SPPL2A: variants seen among roughly 807,000 people sequenced by gnomAD.
SPPL2A encodes signal peptide peptidase-like 2A.
In SPPL2A, 51 loss-of-function variants were observed where a neutral mutation model predicts 63.8. The ratio of observed to expected loss-of-function variants is 0.80; its 90% CI spans 0.64 to 1.01. The LOEUF is 1.01. SPPL2A is among the 50% of genes least tolerant of loss of function. SPPL2A has a pLI of 0.00. For synonymous variants in SPPL2A, 188 were observed against 205.8 expected (o/e 0.91, Z 0.74); for missense variants, 553 against 622.7 (o/e 0.89, Z 1.19).
chr15:50,754,507 G>T (rs765534858), intron 1 of SPPL2A, among the ~76,000 whole-genome samples: 3 of 152,048 alleles, frequency 2.0e-5, no homozygotes, highest in Non-Finnish European at 2.9e-5. Context: ...AATACTATCG[G>T]CTTATACATT....
rs1238068337 is a variant in SPPL2A at position 50,704,897 on chromosome 15, A to T, written c.*2903T>A. On this transcript the variant is annotated 3_prime_UTR_variant, in exon 15 of 15. Coordinates refer to ENST00000261854, the MANE Select transcript of SPPL2A (RefSeq NM_032802.4). ...ACAAGATTTTACCTCCTTAATAACT[A>T]ATGGTTAGATAAAGTAGAATTTGTA... 2 of 152,194 alleles carry T rather than the reference A, an allele frequency of 1.3e-5. No homozygotes were observed. The allele number at this position is 152,194 out of a possible 1,614,324, so 9.4% of individuals were successfully genotyped here. A position where few individuals can be genotyped will look rare whatever the true frequency, so the allele number is the denominator to read the frequency against.
intron 8 of SPPL2A, among the ~76,000 whole-genome samples, chr15:50,734,135 G>GT (rs2062751575): frequency 6.6e-6 from 1 of 152,014 alleles, no homozygotes; most frequent in Non-Finnish European, 1.5e-5. Context: ...CAGCAATCCC[G>GT]CCATTGGATA....
Position 50,765,356 on chromosome 15 carries a change from C to T in SPPL2A, c.66+112G>A, listed in dbSNP as rs1596404381. 3 of 706,588 alleles carry T rather than the reference C, an allele frequency of 4.2e-6. No homozygotes were observed. The East Asian group carries it at 1.0e-4, about 24-fold the overall frequency. The allele number at this position is 706,588 out of a possible 1,614,324, so 43.8% of individuals were successfully genotyped here. ...GAAAGAGGAGTGCGAGAGCAGGCCGCGGAGGTGCGGGCAGAGGGGAGGCCG... is the reference window on the plus strand; with the variant it reads ...GAAAGAGGAGTGCGAGAGCAGGCCGTGGAGGTGCGGGCAGAGGGGAGGCCG... On this transcript the variant is annotated intron_variant, in intron 1 of 14. Coordinates refer to ENST00000261854, the MANE Select transcript of SPPL2A (RefSeq NM_032802.4).
intron 2 of SPPL2A, 31 bp from the exon 3 acceptor site, chr15:50,748,901 T>TA: frequency 6.9e-7 from 1 of 1,450,318 alleles, no homozygotes; most frequent in Non-Finnish European, 9.4e-7. Flanking sequence ...TTTAACATGT[T>TA]AAAAATCTAT....
chr15:50,734,147 A>G (rs1293808776), intron 8 of SPPL2A, among the ~76,000 whole-genome samples: 5 of 152,220 alleles, frequency 3.3e-5, no homozygotes, highest in African/African-American at 1.2e-4. Flanking sequence ...CATTGGATAT[A>G]CATGCAAAAG....
chr15:50,703,283 G>A lies in SPPL2A; in HGVS notation c.*4517C>T, dbSNP rs1204979433. ...AAATTTCATTGGTTAAGATCAGGCTGAAATTTTAGAGATTAAGCCTAAATA... is the reference window on the plus strand; with the variant it reads ...AAATTTCATTGGTTAAGATCAGGCTAAAATTTTAGAGATTAAGCCTAAATA... On this transcript the variant is annotated 3_prime_UTR_variant, in exon 15 of 15. Transcript: ENST00000261854. The A allele has an allele frequency of 1.5e-5, 2 of 136,994 alleles. No individual in the cohort carries two copies. The highest frequency in any genetic ancestry group is 3.1e-5 in the Non-Finnish European group (2 of 65,370). 8.5% of individuals were successfully genotyped at this position (136,994 alleles called of 1,614,324 possible).
At position 50,722,276 on chromosome 15, in the gene SPPL2A, T is replaced by C; in HGVS notation, c.1250-75A>G. On this transcript the variant is annotated intron_variant, in intron 12 of 14. Transcript: ENST00000261854. ...AAATTCAATTGTTAACAATAGTAAG[T>C]ATATGTTATATTGAATCTTCATTGT... The C allele has an allele frequency of 3.7e-6, 3 of 811,164 alleles. No individual in the cohort carries two copies. The Admixed American group carries it at 5.9e-5, about 16-fold the overall frequency. 50.2% of individuals were successfully genotyped at this position (811,164 alleles called of 1,614,324 possible).
At chr15:50,728,382 T>C (rs1279243602) in intron 10 of SPPL2A, among the ~76,000 whole-genome samples, 6 of 152,192 alleles carry the variant, frequency 3.9e-5, no homozygotes. Context: ...CTCACTCTGT[T>C]GCCCAGGCTG....
chr15:50,762,997 C>A (rs1226296990), intron 1 of SPPL2A, among the ~76,000 whole-genome samples: 34 of 151,718 alleles, frequency 2.2e-4, no homozygotes, highest in Admixed American at 2.2e-3. Flanking sequence ...CCCACCTGGA[C>A]CTCTCAAAGT....
chr15:50,741,855 A>G (rs2062823888), intron 5 of SPPL2A, among the ~76,000 whole-genome samples: 1 of 152,016 alleles, frequency 6.6e-6, no homozygotes, highest in Non-Finnish European at 1.5e-5. Context: ...AATCCCAGCT[A>G]CTTGAGAGGC....
At chr15:50,717,847 C>A (rs2062609137) in intron 14 of SPPL2A, among the ~76,000 whole-genome samples, 1 of 152,142 alleles carries the variant, frequency 6.6e-6, no homozygotes, top group African/African-American at 2.4e-5. Context: ...GGACTCTTTC[C>A]TGAAACCACA....
intron 5 of SPPL2A, among the ~76,000 whole-genome samples, chr15:50,740,098 T>A (rs1275434439): frequency 6.6e-6 from 1 of 152,168 alleles, no homozygotes; most frequent in Non-Finnish European, 1.5e-5. Flanking sequence ...AACCACTAAC[T>A]TTTGAAACAT....
At chr15:50,752,059 G>A (rs2062911844) in intron 1 of SPPL2A, among the ~76,000 whole-genome samples, 1 of 152,136 alleles carries the variant, frequency 6.6e-6, no homozygotes, top group South Asian at 2.1e-4. Flanking sequence ...TGGAACTCCT[G>A]ACCTCAGGTG....
At chr15:50,739,173 T>C (rs916923280) in intron 6 of SPPL2A, among the ~76,000 whole-genome samples, 5 of 147,610 alleles carry the variant, frequency 3.4e-5, no homozygotes, top group Admixed American at 1.3e-4. Flanking sequence ...TAACGTACTT[T>C]TTTTTTTTTT....
chr15:50,704,014 T>G lies in SPPL2A; in HGVS notation c.*3786A>C, dbSNP rs887975697. Reference sequence around the variant, plus strand: ...AAATTCTCTTTAAAAGAGAAATAAATTGCAGATTCTACTAAGGAATTGCTA... The same window carrying G: ...AAATTCTCTTTAAAAGAGAAATAAAGTGCAGATTCTACTAAGGAATTGCTA... On this transcript the variant is annotated 3_prime_UTR_variant, in exon 15 of 15. Coordinates refer to ENST00000261854, the MANE Select transcript of SPPL2A (RefSeq NM_032802.4). 4 of 152,032 alleles carry G rather than the reference T, an allele frequency of 2.6e-5. No individual in the cohort carries two copies. The highest frequency in any genetic ancestry group is 4.8e-5 in the African/African-American group (2 of 41,386). 9.4% of individuals were successfully genotyped at this position (152,032 alleles called of 1,614,324 possible). A position where few individuals can be genotyped will look rare whatever the true frequency, so the allele number is the denominator to read the frequency against.
chr15:50,706,966 A>G lies in SPPL2A; in HGVS notation c.*834T>C, dbSNP rs2062514160. On this transcript the variant is annotated 3_prime_UTR_variant, in exon 15 of 15. Coordinates refer to ENST00000261854, the MANE Select transcript of SPPL2A (RefSeq NM_032802.4). ...TTTCAGTTCTCAAGTTTATGAAAGG[A>G]TTGGGTTTAAAAAAATACTACAAAA... 6.6e-6 allele frequency: 1 copy of G among 152,118 alleles called. No homozygotes were observed. The highest frequency in any genetic ancestry group is 2.4e-5 in the African/African-American group (1 of 41,430). 9.4% of individuals were successfully genotyped at this position (152,118 alleles called of 1,614,324 possible).
chr15:50,715,940 G>A (rs1307283976), intron 14 of SPPL2A, among the ~76,000 whole-genome samples: 1 of 151,882 alleles, frequency 6.6e-6, no homozygotes, highest in Non-Finnish European at 1.5e-5. Context: ...TATGATATAT[G>A]CATATAAGGA....
Position 50,732,697 on chromosome 15 carries a change from A to T in SPPL2A, c.933-13T>A. Reference sequence around the variant, plus strand: ...AATCCAAGCCCACCTAAAATCAAAAAATATTACTCTATTGCTTTATCAATG... The same window carrying T: ...AATCCAAGCCCACCTAAAATCAAAATATATTACTCTATTGCTTTATCAATG... On this transcript the variant is annotated splice_polypyrimidine_tract_variant and intron_variant, in intron 8 of 14. Transcript: ENST00000261854. 6.6e-7 allele frequency: 1 copy of T among 1,510,208 alleles called. No individual in the cohort carries two copies. Among genetic ancestry groups the T allele is most frequent in the Non-Finnish European group, 9.2e-7 (1 of 1,087,654 alleles). The allele number at this position is 1,510,208 out of a possible 1,614,324, so 93.6% of individuals were successfully genotyped here.
At chr15:50,732,448 T>C (rs906496989) in intron 9 of SPPL2A, among the ~76,000 whole-genome samples, 155 bp downstream of exon 9, 1 of 152,220 alleles carries the variant, frequency 6.6e-6, no homozygotes, top group Non-Finnish European at 1.5e-5. Context: ...GTTCTACAAC[T>C]TCACTGGGAT....
Sources: allele counts gnomAD v4.1 joint callset (sites outside exome capture counted in the v4.1 genomes callset), GRCh38; gene constraint gnomAD v4.1.1; transcripts MANE v1.5; gene names NCBI Gene and HGNC (gene_info 2026-07-23, HGNC 2026-07-21).